TMOD2: variants seen among roughly 807,000 people sequenced by gnomAD.
TMOD2 encodes the protein tropomodulin-2.
Under a neutral mutation model 39.9 loss-of-function variants are expected in TMOD2, and 22 were observed. The ratio of observed to expected loss-of-function variants is 0.55; its 90% confidence interval spans 0.39 to 0.79. The LOEUF (loss-of-function observed/expected upper bound fraction) is 0.79. Among genes scored for constraint, TMOD2 ranks in the 30% least tolerant of loss-of-function variants. The pLI is 0.00. For synonymous variants in TMOD2, 123 were observed against 146.1 expected, an observed-to-expected ratio of 0.84 and a Z score of 1.14; for missense variants, 386 against 413.3, an observed-to-expected ratio of 0.93 and a Z score of 0.57.
chr15:51,758,341 A>T (rs1472240543), intron 1 of TMOD2, among the ~76,000 whole-genome samples: 1 of 152,204 alleles, frequency 6.6e-6, no homozygotes, highest in Non-Finnish European at 1.5e-5. Flanking sequence ...AGAGAGAACC[A>T]TACATGCAAC....
At chr15:51,791,526 A>G (rs993063543) in intron 7 of TMOD2, among the ~76,000 whole-genome samples, 1 of 152,222 alleles carries the variant, frequency 6.6e-6, no homozygotes, top group Non-Finnish European at 1.5e-5. Context: ...ATATGGAACC[A>G]AAAAAGAGCC....
chr15:51,801,288 G>GTCTC (rs72529496), intron 8 of TMOD2, among the ~76,000 whole-genome samples: 2,440 of 111,712 alleles, frequency 0.022, 73 homozygotes, highest in East Asian at 0.087. Flanking sequence ...CACACACCCT[G>GTCTC]TCTCTCTCTC....
chr15:51,795,544 T>C (rs1039955291), intron 7 of TMOD2, among the ~76,000 whole-genome samples: 3 of 152,104 alleles, frequency 2.0e-5, no homozygotes, highest in Middle Eastern at 6.8e-3. Context: ...TCCTTAATTA[T>C]TTGATAACTT....
intron 1 of TMOD2, among the ~76,000 whole-genome samples, chr15:51,762,530 T>G (rs1220009346): frequency 1.3e-5 from 2 of 152,218 alleles, no homozygotes; most frequent in South Asian, 4.1e-4. Flanking sequence ...TTTGAAATCT[T>G]TTTTACTGAA....
chr15:51,792,397 G>T (rs1000547917), intron 7 of TMOD2, among the ~76,000 whole-genome samples: 1 of 152,156 alleles, frequency 6.6e-6, no homozygotes, highest in Admixed American at 6.5e-5. Flanking sequence ...AAATAGGAAT[G>T]CTTTTACACT....
chr15:51,768,478 G>A lies in TMOD2; in HGVS notation c.283+60G>A, dbSNP rs1377462564. 1.5e-5 allele frequency: 22 copies of A among 1,479,630 alleles called. No homozygotes were observed. The South Asian group carries it at 1.6e-4, about 11-fold the overall frequency. The allele number at this position is 1,479,630 out of a possible 1,614,324, so 91.7% of individuals were successfully genotyped here. On this transcript the variant is annotated intron_variant, in intron 3 of 9. Transcript: ENST00000249700. ...GTTCTCTCTTTTTTTTTTTTGGAAC[G>A]GAGGCACTCTTAATTAAGATTACCT...
At chr15:51,760,355 G>T (rs1370336036) in intron 1 of TMOD2, among the ~76,000 whole-genome samples, 1 of 152,160 alleles carries the variant, frequency 6.6e-6, no homozygotes, top group Non-Finnish European at 1.5e-5. Flanking sequence ...GCCTCCAGAG[G>T]CTGCCCACAT....
At position 51,782,908 on chromosome 15, in the gene TMOD2, A is replaced by G. The variant is rs915117189; in HGVS notation, c.732+80A>G. On this transcript the variant is annotated intron_variant, in intron 7 of 9. Transcript: ENST00000249700. ...TATTTACTTTGTTTCATTAGCTAAC[A>G]ATTTTTTAGATCTGGAAAACTTACC... 2.2e-6 allele frequency: 3 copies of G among 1,354,180 alleles called. No homozygotes were observed. In the African/African-American group the frequency reaches 4.4e-5, roughly 20 times the overall value. The allele number at this position is 1,354,180 out of a possible 1,614,324, so 83.9% of individuals were successfully genotyped here. A position where few individuals can be genotyped will look rare whatever the true frequency, so the allele number is the denominator to read the frequency against.
At chr15:51,787,569 G>A (rs1337467821) in intron 7 of TMOD2, among the ~76,000 whole-genome samples, 3 of 152,222 alleles carry the variant, frequency 2.0e-5, no homozygotes, top group Non-Finnish European at 4.4e-5. Flanking sequence ...CCTGACCCCC[G>A]TGTAGCCTGA....
intron 3 of TMOD2, among the ~76,000 whole-genome samples, chr15:51,773,478 T>C (rs2055866971): frequency 6.6e-6 from 1 of 152,224 alleles, no homozygotes; most frequent in African/African-American, 2.4e-5. Flanking sequence ...GTTTAAGGAC[T>C]GTAGTCTCAG....
chr15:51,781,181 C>T lies in TMOD2; in HGVS notation c.624+7C>T, dbSNP rs748682258. 17 of 1,591,904 alleles carry T rather than the reference C, an allele frequency of 1.1e-5. No homozygotes were observed. In the African/African-American group the frequency reaches 2.2e-4, roughly 20 times the overall value. The stretch of plus-strand genomic sequence containing the variant: ...CAACCTCAACAACATTAAGGTATTT[C>T]ATTGTGATTATCATCAGTCAGTTAA... On this transcript the variant is annotated splice_region_variant and intron_variant, in intron 6 of 9. Transcript: ENST00000249700.
chr15:51,752,770 C>T (rs895093686), intron 1 of TMOD2: 1 of 152,152 alleles, frequency 6.6e-6, no homozygotes, highest in South Asian at 2.1e-4. Flanking sequence ...GCGCCTCTAC[C>T]CTAGTGAGGA....
chr15:51,764,906 A>C (rs546080627), intron 1 of TMOD2, among the ~76,000 whole-genome samples: 1 of 152,318 alleles, frequency 6.6e-6, no homozygotes, highest in East Asian at 1.9e-4. Context: ...ATGTGTTTTC[A>C]AACCTACTTT....
rs767803603 is a variant in TMOD2, at chr15:51,782,748, T to C, written c.652T>C (p.Phe218Leu). 6.2e-7 allele frequency: 1 copy of C among 1,614,008 alleles called. No homozygotes were observed. Among genetic ancestry groups the C allele is most frequent in the Non-Finnish European group, 8.5e-7 (1 of 1,179,878 alleles). ...KNIPIPTLREFAKALETNTHV... is the reference protein window; with the variant it reads ...KNIPIPTLRELAKALETNTHV... Reference sequence around the variant, plus strand: ...CATTCCAATTCCAACCCTGAGGGAATTTGCAAAGGCTCTGGAGACCAACAC... The same window carrying C: ...CATTCCAATTCCAACCCTGAGGGAACTTGCAAAGGCTCTGGAGACCAACAC... The change falls in exon 7 of 10, where the codon TTT becomes CTT. Residue 218 changes from phenylalanine (F) to leucine (L), a missense_variant. Coordinates refer to ENST00000249700, the MANE Select transcript of TMOD2 (RefSeq NM_014548.4).
Position 51,810,570 on chromosome 15 carries a change from G to A in TMOD2, c.*2116G>A, listed in dbSNP as rs2056149672. ...TTTCTCCCTCTCCAGATTGCTGGTT[G>A]ATAAACATTCATCAGCACACCACTG... On this transcript the variant is annotated 3_prime_UTR_variant, in exon 10 of 10. Transcript: ENST00000249700. 1.3e-5 allele frequency: 2 copies of A among 152,102 alleles called. No homozygotes were observed. Among genetic ancestry groups the A allele is most frequent in the African/African-American group, 4.8e-5 (2 of 41,410 alleles). The allele number at this position is 152,102 out of a possible 1,614,324, so 9.4% of individuals were successfully genotyped here. A position where few individuals can be genotyped will look rare whatever the true frequency, so the allele number is the denominator to read the frequency against.
intron 8 of TMOD2, among the ~76,000 whole-genome samples, chr15:51,798,981 A>G (rs1454858459): frequency 6.6e-6 from 1 of 152,192 alleles, no homozygotes; most frequent in Non-Finnish European, 1.5e-5. Flanking sequence ...TCTGCAGCCA[A>G]AGCAAGGTGC....
At chr15:51,787,277 G>T (rs1470754487) in intron 7 of TMOD2, among the ~76,000 whole-genome samples, 1 of 152,246 alleles carries the variant, frequency 6.6e-6, no homozygotes, top group Non-Finnish European at 1.5e-5. Flanking sequence ...CTTGGCGGGG[G>T]GAGGGGCATC....
intron 7 of TMOD2, among the ~76,000 whole-genome samples, chr15:51,795,646 G>T (rs2056046269): frequency 4.0e-5 from 5 of 123,544 alleles, no homozygotes; most frequent in South Asian, 2.6e-4. Context: ...TTCTCCTTCT[G>T]GAACTCTTCT....
intron 7 of TMOD2, among the ~76,000 whole-genome samples, chr15:51,795,389 C>T (rs1458393584): frequency 6.7e-6 from 1 of 150,224 alleles, no homozygotes. Context: ...AGTGCCACTG[C>T]ACTCCAGCCT....
Sources: allele counts gnomAD v4.1 joint callset (sites outside exome capture counted in the v4.1 genomes callset), GRCh38; gene constraint gnomAD v4.1.1; transcripts MANE v1.5; gene names NCBI Gene and HGNC (gene_info 2026-07-23, HGNC 2026-07-21).